The following PLXDC2 variants were observed in gnomAD, a reference collection of about 807,000 sequenced individuals.
PLXDC2 encodes plexin domain containing 2.
In PLXDC2, 40 loss-of-function variants were observed where a neutral mutation model predicts 68.9. That is an observed-to-expected ratio of 0.58 (90% CI 0.45 to 0.76). The LOEUF is 0.76. Among genes scored for constraint, PLXDC2 ranks in the 30% least tolerant of loss-of-function variants. PLXDC2 has a pLI of 0.00. For missense variants in PLXDC2, 644 were observed against 661.9 expected (o/e 0.97, Z 0.30); for synonymous variants, 243 against 234.2 (o/e 1.04, Z -0.34).
intron 1 of PLXDC2, among the ~76,000 whole-genome samples, chr10:19,906,955 G>A (rs148895486): frequency 9.2e-5 from 14 of 152,264 alleles, no homozygotes; most frequent in African/African-American, 3.4e-4. Context: ...TAGCCTGTCT[G>A]TCACCTATTA....
chr10:19,824,970 G>A lies in PLXDC2; in HGVS notation c.112+7779G>A, dbSNP rs533778068. Reference sequence around the variant, plus strand: ...AACATGGGGTCAGACACTAAGTGACGTTACTGGATATCCAGACTTTTAAAT... The same window carrying A: ...AACATGGGGTCAGACACTAAGTGACATTACTGGATATCCAGACTTTTAAAT... On this transcript the variant is annotated intron_variant, in intron 1 of 13. Coordinates refer to ENST00000377252, the MANE Select transcript of PLXDC2 (RefSeq NM_032812.9). 7.9e-5 allele frequency among the ~76,000 whole-genome samples: 12 copies of A among 152,266 alleles called. No homozygotes were observed. In the South Asian group the frequency reaches 1.7e-3, roughly 21 times the overall value.
At position 20,287,736 on chromosome 10, in the gene PLXDC2, G is replaced by A. The variant is rs918446553; in HGVS notation, c.*7917G>A. 6.6e-6 allele frequency: 1 copy of A among 152,076 alleles called. No homozygotes were observed. Among genetic ancestry groups the A allele is most frequent in the Admixed American group, 6.5e-5 (1 of 15,268 alleles). 9.4% of individuals were successfully genotyped at this position (152,076 alleles called of 1,614,324 possible). A position where few individuals can be genotyped will look rare whatever the true frequency, so the allele number is the denominator to read the frequency against. On this transcript the variant is annotated 3_prime_UTR_variant, in exon 14 of 14. Transcript: ENST00000377252. Reference sequence around the variant, plus strand: ...AGTCTTGGGGCCCTCACGGAGAAGAGGGGGAAGTCTTTTCATTGATTGGTC... The same window carrying A: ...AGTCTTGGGGCCCTCACGGAGAAGAAGGGGAAGTCTTTTCATTGATTGGTC...
intron 1 of PLXDC2, among the ~76,000 whole-genome samples, chr10:19,973,355 C>T (rs1052189587): frequency 9.1e-4 from 58 of 63,536 alleles, no homozygotes; most frequent in East Asian, 3.8e-3. Context: ...TGTATACTCA[C>T]ATATATATGT....
chr10:20,103,553 T>C (rs930234221), intron 4 of PLXDC2, among the ~76,000 whole-genome samples: 7 of 151,132 alleles, frequency 4.6e-5, no homozygotes, highest in Admixed American at 2.0e-4. Flanking sequence ...AATAGCATCA[T>C]AGCTGGAAGA....
Position 20,272,954 on chromosome 10 carries a change from T to C in PLXDC2, c.1474-6749T>C, listed in dbSNP as rs117030103. 1.6e-3 allele frequency among the ~76,000 whole-genome samples: 245 copies of C among 152,328 alleles called. 7 individuals are homozygous for C. The East Asian group carries it at 0.043, about 27-fold the overall frequency. On this transcript the variant is annotated intron_variant, in intron 13 of 13. Coordinates refer to ENST00000377252, the MANE Select transcript of PLXDC2 (RefSeq NM_032812.9). ...CAGTGAACTCAGCTACATGCATTCA[T>C]TTAGAGAATAAAAGTTAATCCGGGT...
chr10:20,134,177 T>C (rs1833904180), intron 4 of PLXDC2, among the ~76,000 whole-genome samples: 1 of 152,204 alleles, frequency 6.6e-6, no homozygotes, highest in African/African-American at 2.4e-5. Flanking sequence ...TCAAGATAAT[T>C]ATTTTCAATT....
chr10:19,981,312 G>C (rs777392028), intron 1 of PLXDC2, among the ~76,000 whole-genome samples: 4 of 152,138 alleles, frequency 2.6e-5, no homozygotes, highest in Non-Finnish European at 5.9e-5. Flanking sequence ...TCACATCCTA[G>C]ACCTTGAAAA....
rs540017224 is a variant in PLXDC2 at position 19,830,708 on chromosome 10, T to A, written c.112+13517T>A. Among the ~76,000 whole-genome samples, 6 of 151,804 alleles carry A rather than the reference T, an allele frequency of 4.0e-5. No individual in the cohort carries two copies. In the South Asian group the frequency reaches 1.0e-3, roughly 26 times the overall value. Reference sequence around the variant, plus strand: ...CACCCCTGGACCTCAGGCTAACTGGTCTTTCTCTAACTATGCTCCGGAAAA... The same window carrying A: ...CACCCCTGGACCTCAGGCTAACTGGACTTTCTCTAACTATGCTCCGGAAAA... On this transcript the variant is annotated intron_variant, in intron 1 of 13. Transcript: ENST00000377252.
intron 13 of PLXDC2, among the ~76,000 whole-genome samples, chr10:20,271,150 C>T (rs1835935788): frequency 6.6e-6 from 1 of 151,794 alleles, no homozygotes; most frequent in South Asian, 2.1e-4. Context: ...CACACACACA[C>T]ACACACACAC....
Position 20,047,033 on chromosome 10 carries a change from C to A in PLXDC2, c.471+18C>A, listed in dbSNP as rs765090133. ...AAGCTGCAGTAAGTGTTTGGACATT[C>A]AGGGTTCATTTTACCTACTGTGAAA... On this transcript the variant is annotated intron_variant, in intron 3 of 13. Coordinates refer to ENST00000377252, the MANE Select transcript of PLXDC2 (RefSeq NM_032812.9). 5.1e-6 allele frequency: 8 copies of A among 1,568,886 alleles called. No individual in the cohort carries two copies. Among genetic ancestry groups the A allele is most frequent in the Non-Finnish European group, 5.2e-6 (6 of 1,158,174 alleles).
In PLXDC2 at chr10:20,039,993, C is replaced by T. The variant is rs190156449; in HGVS notation, c.325-6876C>T. Among the ~76,000 whole-genome samples, 38 of 152,260 alleles carry T rather than the reference C, an allele frequency of 2.5e-4. No individual in the cohort carries two copies. The East Asian group carries it at 7.3e-3, about 29-fold the overall frequency. On this transcript the variant is annotated intron_variant, in intron 2 of 13. Transcript: ENST00000377252. ...TAAGCATCCAACCAGCTGAATCGAC[C>T]TTTCTTGGCCAAGAGGACCTCAGAG...
intron 4 of PLXDC2, among the ~76,000 whole-genome samples, chr10:20,108,941 TATAAA>T (rs1833524778): frequency 6.6e-6 from 1 of 152,198 alleles, no homozygotes; most frequent in Non-Finnish European, 1.5e-5. Flanking sequence ...TTTGTTTATG[TATAAA>T]ATAAAGGCTG....
At chr10:20,011,896 C>T (rs1835120698) in intron 2 of PLXDC2, among the ~76,000 whole-genome samples, 1 of 152,100 alleles carries the variant, frequency 6.6e-6, no homozygotes. Flanking sequence ...GAGTCTTTGC[C>T]ATTTATTTTA....
Position 20,282,410 on chromosome 10 carries a change from G to A in PLXDC2, c.*2591G>A, listed in dbSNP as rs1199829995. The A allele has an allele frequency of 6.6e-6, 1 of 152,104 alleles. No individual in the cohort carries two copies. Among genetic ancestry groups the A allele is most frequent in the East Asian group, 1.9e-4 (1 of 5,186 alleles). The allele number at this position is 152,104 out of a possible 1,614,324, so 9.4% of individuals were successfully genotyped here. On this transcript the variant is annotated 3_prime_UTR_variant, in exon 14 of 14. Coordinates refer to ENST00000377252, the MANE Select transcript of PLXDC2 (RefSeq NM_032812.9). The stretch of plus-strand genomic sequence containing the variant: ...ATTATGTATTAGAGAAGGTGCAACT[G>A]TACATTACTTAATATACTATGAACA...
intron 4 of PLXDC2, among the ~76,000 whole-genome samples, chr10:20,106,790 C>T (rs1833496948): frequency 6.6e-6 from 1 of 151,932 alleles, no homozygotes; most frequent in Non-Finnish European, 1.5e-5. Context: ...TATACTGTAG[C>T]TTATTTGCTG....
intron 6 of PLXDC2, among the ~76,000 whole-genome samples, chr10:20,150,573 C>A (rs773519339): frequency 3.9e-5 from 6 of 152,122 alleles, no homozygotes; most frequent in Non-Finnish European, 7.3e-5. Flanking sequence ...TCATTGCAAT[C>A]TAGTATATTG....
chr10:20,061,694 A>G (rs1836107353), intron 3 of PLXDC2, among the ~76,000 whole-genome samples: 2 of 152,236 alleles, frequency 1.3e-5, no homozygotes, highest in Admixed American at 1.3e-4. Context: ...AATACTTAGC[A>G]TAATGTCCGA....
At chr10:20,159,889 G>C (rs192156064) in intron 6 of PLXDC2, among the ~76,000 whole-genome samples, 1 of 152,194 alleles carries the variant, frequency 6.6e-6, no homozygotes, top group Non-Finnish European at 1.5e-5. Flanking sequence ...TTCTCAGAGA[G>C]AGCTTCTGCG....
chr10:19,881,290 A>G (rs1350220367), intron 1 of PLXDC2, among the ~76,000 whole-genome samples: 7 of 151,832 alleles, frequency 4.6e-5, no homozygotes, highest in Non-Finnish European at 1.0e-4. Context: ...TAATCTGTGT[A>G]TTTTTGGTAG....
Sources: allele counts gnomAD v4.1 joint callset (sites outside exome capture counted in the v4.1 genomes callset), GRCh38; gene constraint gnomAD v4.1.1; transcripts MANE v1.5; gene names NCBI Gene and HGNC (gene_info 2026-07-23, HGNC 2026-07-21).